Variants in LHPP observed in about 807,000 individuals in gnomAD.
LHPP encodes the protein hLHPP.
A neutral mutation model predicts 30.3 loss-of-function variants in LHPP; 24 were observed. The observed-to-expected ratio is 0.79, with a 90% CI of 0.57 to 1.11. The LOEUF is 1.11. Among genes scored for constraint, LHPP ranks in the 50% most tolerant of loss-of-function variants. The pLI, the probability that LHPP is intolerant of heterozygous loss-of-function variation, is 0.00. For missense variants in LHPP, 356 were observed against 367.2 expected, an observed-to-expected ratio of 0.97 and a Z score of 0.25; for synonymous variants, 150 against 157.1, an observed-to-expected ratio of 0.95 and a Z score of 0.34.
chr10:124,509,454 T>C (rs1954245692), intron 5 of LHPP, among the ~76,000 whole-genome samples: 1 of 152,238 alleles, frequency 6.6e-6, no homozygotes, highest in African/African-American at 2.4e-5. Context: ...GAGGCTGTGA[T>C]GCATGTTGCT....
chr10:124,602,121 G>A (rs1949031015), intron 6 of LHPP, among the ~76,000 whole-genome samples: 3 of 152,210 alleles, frequency 2.0e-5, no homozygotes, highest in Admixed American at 2.0e-4. Context: ...CCCAGATGCA[G>A]GCTATGCCCC....
intron 6 of LHPP, among the ~76,000 whole-genome samples, chr10:124,549,980 G>A (rs990951945): frequency 4.0e-5 from 6 of 148,420 alleles, no homozygotes; most frequent in African/African-American, 1.4e-4. Context: ...CGCTGGCCTC[G>A]CAGGGACTGG....
chr10:124,474,712 G>A lies in LHPP; in HGVS notation c.126-9427G>A, dbSNP rs553714761. 2.0e-5 allele frequency among the ~76,000 whole-genome samples: 3 copies of A among 152,184 alleles called. No homozygotes were observed. The East Asian group carries it at 5.8e-4, about 29-fold the overall frequency. On this transcript the variant is annotated intron_variant, in intron 1 of 6. Transcript: ENST00000368842. ...GAAACATGAACCCACCTCTCAGACT[G>A]TCAAGAGGATTCGATGTGAACATGC...
chr10:124,488,277 A>G, intron 2 of LHPP, 145 bp from the exon 3 acceptor site: 9 of 730,222 alleles, frequency 1.2e-5, no homozygotes, highest in Middle Eastern at 3.4e-4. Context: ...TTCTGTGTCT[A>G]CCTCCCATGG....
intron 6 of LHPP, among the ~76,000 whole-genome samples, chr10:124,545,589 G>A (rs1421288478): frequency 2.6e-5 from 4 of 152,168 alleles, no homozygotes; most frequent in African/African-American, 9.7e-5. Flanking sequence ...CTGCTCCCAG[G>A]TAGCAGGAAG....
At chr10:124,473,818 G>A (rs1018416683) in intron 1 of LHPP, among the ~76,000 whole-genome samples, 1 of 152,102 alleles carries the variant, frequency 6.6e-6, no homozygotes, top group Non-Finnish European at 1.5e-5. Context: ...GCTGGGTGCA[G>A]TGGTTTGCAC....
At chr10:124,484,371 C>T (rs779206737) in intron 2 of LHPP, 45 bp downstream of exon 2, 85 of 1,568,124 alleles carry the variant, frequency 5.4e-5, no homozygotes, top group Non-Finnish European at 7.1e-5. Flanking sequence ...GAAAGCTCCC[C>T]TTTCCCAGGG....
chr10:124,583,203 C>T (rs1948762985), intron 6 of LHPP, among the ~76,000 whole-genome samples: 2 of 152,166 alleles, frequency 1.3e-5, no homozygotes, highest in African/African-American at 4.8e-5. Context: ...GGTGGCATAT[C>T]TAAGAATCCT....
At chr10:124,464,250 C>T (rs547606995) in intron 1 of LHPP, among the ~76,000 whole-genome samples, 1 of 152,190 alleles carries the variant, frequency 6.6e-6, no homozygotes, top group Non-Finnish European at 1.5e-5. Context: ...GACTTGGCCT[C>T]CCGGAGTCAC....
chr10:124,569,218 C>T (rs1948545234), intron 6 of LHPP, among the ~76,000 whole-genome samples: 1 of 152,204 alleles, frequency 6.6e-6, no homozygotes, highest in African/African-American at 2.4e-5. Flanking sequence ...GGCCCTGAGA[C>T]TGTGAGACAG....
In LHPP at chr10:124,496,307, CAGCCAGCCACCA is replaced by C. The variant is rs1159915512; in HGVS notation, c.468-645_468-634del. Among the ~76,000 whole-genome samples, 1 of 152,130 alleles carries C rather than the reference CAGCCAGCCACCA, an allele frequency of 6.6e-6. No homozygotes were observed. Among genetic ancestry groups the C allele is most frequent in the African/African-American group, 2.4e-5 (1 of 41,416 alleles). On this transcript the variant is annotated intron_variant, in intron 3 of 6. Coordinates refer to ENST00000368842, the MANE Select transcript of LHPP (RefSeq NM_022126.4). This position sits in a 1 kb window ranked among gnomAD's most constrained non-coding sequence, Gnocchi z 4.3. ...TCGTAGGGTGAGCCTGGCCGGGCTG[CAGCCAGCCACCA>C]AGCCAGCCCTGGGCTCAAAGAGCAG...
chr10:124,593,585 G>T lies in LHPP; in HGVS notation c.717-19679G>T, dbSNP rs909619726. The stretch of plus-strand genomic sequence containing the variant: ...CCTCCTCTTGGGGGTGTGACATGAG[G>T]TCTTCCCCAAGTGGCCCCGAGTGAG... On this transcript the variant is annotated intron_variant, in intron 6 of 6. Transcript: ENST00000368842. This position sits in a 1 kb window ranked among gnomAD's most constrained non-coding sequence, Gnocchi z 4.9. Among the ~76,000 whole-genome samples, 7 of 152,208 alleles carry T rather than the reference G, an allele frequency of 4.6e-5. No individual in the cohort carries two copies. Among genetic ancestry groups the T allele is most frequent in the Non-Finnish European group, 7.3e-5 (5 of 68,030 alleles).
chr10:124,510,622 G>A lies in LHPP; in HGVS notation c.625-6558G>A, dbSNP rs1052095550. The stretch of plus-strand genomic sequence containing the variant: ...TGTATTCTGGGAGGGAAACCTGTGT[G>A]CTGTCTGGTTTTGTATGTGGGAGGA... On this transcript the variant is annotated intron_variant, in intron 5 of 6. Transcript: ENST00000368842. The surrounding 1 kb of genome is among the most constrained non-coding windows in gnomAD (Gnocchi z 4.0). 5.3e-5 allele frequency among the ~76,000 whole-genome samples: 8 copies of A among 152,252 alleles called. No homozygotes were observed. Among genetic ancestry groups the A allele is most frequent in the African/African-American group, 1.9e-4 (8 of 41,460 alleles).
chr10:124,591,846 G>C (rs1948885705), intron 6 of LHPP, among the ~76,000 whole-genome samples: 2 of 145,080 alleles, frequency 1.4e-5, no homozygotes, highest in Non-Finnish European at 3.0e-5. Context: ...TCATCTCTCT[G>C]ATCTTGGGTC....
rs920614380 is a variant in LHPP, at chr10:124,500,961, G to A, written c.624+2833G>A. Among the ~76,000 whole-genome samples the A allele has an allele frequency of 3.0e-4, 45 of 152,018 alleles. 1 individual carries two copies. The highest frequency in any genetic ancestry group is 3.4e-3 in the Middle Eastern group (1 of 294). ...AACTTGTACACAGATATTCATAGCA[G>A]CTCCATACACAATAGCCAAAAGGTA... On this transcript the variant is annotated intron_variant, in intron 5 of 6. Transcript: ENST00000368842.
At position 124,554,025 on chromosome 10, in the gene LHPP, C is replaced by A. The variant is rs1011209749; in HGVS notation, c.716+36754C>A. On this transcript the variant is annotated intron_variant, in intron 6 of 6. Coordinates refer to ENST00000368842, the MANE Select transcript of LHPP (RefSeq NM_022126.4). Reference sequence around the variant, plus strand: ...CCATGTGAGTCTTCTTCGAGAGACTCCACTGCAGATAGAAGAAGGCCTCGA... The same window carrying A: ...CCATGTGAGTCTTCTTCGAGAGACTACACTGCAGATAGAAGAAGGCCTCGA... 3.2e-5 allele frequency: 32 copies of A among 985,468 alleles called. 1 individual carries two copies. The African/African-American group carries it at 5.6e-4, about 17-fold the overall frequency. The allele number at this position is 985,468 out of a possible 1,614,324, so 61.0% of individuals were successfully genotyped here. A position where few individuals can be genotyped will look rare whatever the true frequency, so the allele number is the denominator to read the frequency against.
chr10:124,594,378 T>G (rs960789901), intron 6 of LHPP, among the ~76,000 whole-genome samples: 2 of 147,338 alleles, frequency 1.4e-5, no homozygotes, highest in Non-Finnish European at 3.0e-5. Flanking sequence ...CCAAGGGAAC[T>G]TAAAAGAAAA....
At chr10:124,539,565 G>A (rs1955124483) in intron 6 of LHPP, among the ~76,000 whole-genome samples, 1 of 152,018 alleles carries the variant, frequency 6.6e-6, no homozygotes, top group South Asian at 2.1e-4. Flanking sequence ...GCTCGAGACC[G>A]CCTCTACTAA....
rs368353393 is a variant in LHPP at position 124,567,467 on chromosome 10, G to C, written c.717-45797G>C. ...GGGAATAAATAAGAGAGTAGAAAAC[G>C]TAAGTGAGGTTCTTGTCTGGCCGCC... On this transcript the variant is annotated intron_variant, in intron 6 of 6. Coordinates refer to ENST00000368842, the MANE Select transcript of LHPP (RefSeq NM_022126.4). 2.6e-5 allele frequency among the ~76,000 whole-genome samples: 4 copies of C among 152,246 alleles called. No individual in the cohort carries two copies. The East Asian group carries it at 5.8e-4, about 22-fold the overall frequency.
Sources: gnomAD v4.1 joint callset for allele counts (sites outside exome capture counted in the v4.1 genomes callset) on GRCh38, gnomAD v4.1.1 for gene constraint, Gnocchi (gnomAD v3.1) non-coding constraint, MANE v1.5 for transcripts, NCBI Gene and HGNC (gene_info 2026-07-23, HGNC 2026-07-21) for gene names.